Variants in PPIP5K1 observed in about 807,000 individuals in gnomAD.
The protein encoded by PPIP5K1 is diphosphoinositol pentakisphosphate kinase 1, also known as inositol hexakisphosphate and diphosphoinositol-pentakisphosphate kinase 1.
In PPIP5K1, 6 loss-of-function variants were observed where a neutral mutation model predicts 27.7. The ratio of observed to expected loss-of-function variants is 0.22; its 90% CI spans 0.12 to 0.43. The LOEUF is 0.43. Among genes scored for constraint, PPIP5K1 ranks in the 20% least tolerant of loss-of-function variants. The pLI is 1.00. For synonymous variants in PPIP5K1, 145 were observed against 242.6 expected (o/e 0.60, Z 3.74); for missense variants, 394 against 635.4 (o/e 0.62, Z 4.08).
chr15:43,549,388 A>T (rs180703402), intron 30 of PPIP5K1, among the ~76,000 whole-genome samples: 29 of 152,184 alleles, frequency 1.9e-4, no homozygotes, highest in African/African-American at 7.0e-4. Context: ...ATTGGGCCAG[A>T]CACCGTGGCT....
At chr15:43,540,072 G>A (rs2080460639) in intron 30 of PPIP5K1, among the ~76,000 whole-genome samples, 2 of 152,012 alleles carry the variant, frequency 1.3e-5, no homozygotes, top group African/African-American at 4.8e-5. Flanking sequence ...GGCCAACACA[G>A]CAAAACCCCA....
intron 30 of PPIP5K1, among the ~76,000 whole-genome samples, chr15:43,546,177 T>C (rs1243582525): frequency 6.6e-6 from 1 of 152,258 alleles, no homozygotes; most frequent in African/African-American, 2.4e-5. Flanking sequence ...TTTGGCATAA[T>C]GTTTTTAAGG....
chr15:43,549,937 C>T (rs977713058), intron 30 of PPIP5K1, among the ~76,000 whole-genome samples: 1 of 152,184 alleles, frequency 6.6e-6, no homozygotes, highest in Non-Finnish European at 1.5e-5. Context: ...CACAACTACA[C>T]TCAAGCCTGG....
intron 30 of PPIP5K1, chr15:43,548,616 A>G (rs2081698971): frequency 6.7e-6 from 1 of 149,132 alleles, no homozygotes; most frequent in African/African-American, 2.5e-5. Context: ...ACAGTGGTGC[A>G]ATCATGGCTC....
At chr15:43,541,635 T>G (rs2470131) in intron 30 of PPIP5K1, among the ~76,000 whole-genome samples, 41,451 of 151,350 alleles carry the variant, frequency 0.27, 9,761 homozygotes, top group African/African-American at 0.63. Context: ...GAGAATCACT[T>G]GAACCTTGAA....
chr15:43,562,883 AGAT>A (rs2083973758), intron 28 of PPIP5K1, among the ~76,000 whole-genome samples: 1 of 104,920 alleles, frequency 9.5e-6, no homozygotes. Flanking sequence ...TGCCTTGTGA[AGAT>A]GTACAACCTG....
chr15:43,555,483 G>T (rs1397674511), intron 30 of PPIP5K1, among the ~76,000 whole-genome samples: 2 of 151,170 alleles, frequency 1.3e-5, no homozygotes, highest in East Asian at 3.9e-4. Flanking sequence ...GTGGGGTTTT[G>T]CCATGTTGCC....
chr15:43,556,176 T>C (rs570915335), intron 30 of PPIP5K1, among the ~76,000 whole-genome samples: 1 of 151,946 alleles, frequency 6.6e-6, no homozygotes, highest in East Asian at 1.9e-4. Flanking sequence ...AAAAATTAGC[T>C]GTGCGTGGTG....
rs1163260860 is a variant in PPIP5K1 at position 43,573,012 on chromosome 15, AAAG to A, written c.2565+19_2565+21del. 3.7e-3 allele frequency: 770 copies of A among 206,488 alleles called. No individual in the cohort carries two copies. In the East Asian group the frequency reaches 0.063, roughly 17 times the overall value. 12.8% of individuals were successfully genotyped at this position (206,488 alleles called of 1,614,324 possible). On this transcript the variant is annotated intron_variant, in intron 22 of 31. Transcript: ENST00000420765. ...GCTGGGAAAAAGCTGTTCACAGGCT[AAAG>A]AAGAAGGAGGATCCTTACATCAAGA... is the stretch of plus-strand genomic sequence containing the variant.
chr15:43,541,103 C>T (rs892064446), intron 30 of PPIP5K1, among the ~76,000 whole-genome samples: 1 of 151,954 alleles, frequency 6.6e-6, no homozygotes, highest in Admixed American at 6.6e-5. Context: ...TAGAATAGTG[C>T]AGCCTCTCCT....
chr15:43,557,657 TTC>T (rs746074120), intron 30 of PPIP5K1, among the ~76,000 whole-genome samples: 186 of 147,738 alleles, frequency 1.3e-3, no homozygotes, highest in Middle Eastern at 3.5e-3. Flanking sequence ...TCTCTTCTCT[TTC>T]TCTCTCTCTC....
chr15:43,546,868 A>G (rs1211405272), intron 30 of PPIP5K1, among the ~76,000 whole-genome samples: 1 of 151,974 alleles, frequency 6.6e-6, no homozygotes, highest in Non-Finnish European at 1.5e-5. Flanking sequence ...CATGTTGCCC[A>G]GGCTGGTCTT....
At chr15:43,586,671 C>A in intron 1 of PPIP5K1, among the ~76,000 whole-genome samples, 1 of 100,234 alleles carries the variant, frequency 1.0e-5, no homozygotes, top group African/African-American at 3.6e-5. Flanking sequence ...GCACTCCAGC[C>A]TGGGTGAGAG....
intron 30 of PPIP5K1, among the ~76,000 whole-genome samples, chr15:43,551,746 G>A (rs1335562477): frequency 2.7e-5 from 4 of 148,234 alleles, no homozygotes; most frequent in Non-Finnish European, 6.0e-5. Flanking sequence ...GGGACTACAG[G>A]CGCCCGCCAC....
At chr15:43,542,660 G>A (rs981102484) in intron 30 of PPIP5K1, among the ~76,000 whole-genome samples, 2 of 146,004 alleles carry the variant, frequency 1.4e-5, no homozygotes, top group African/African-American at 5.2e-5. Context: ...GTGTGTGTGT[G>A]TGTGTGTGTG....
intron 30 of PPIP5K1, among the ~76,000 whole-genome samples, chr15:43,552,253 C>T (rs2082303594): frequency 6.6e-6 from 1 of 152,090 alleles, no homozygotes; most frequent in Non-Finnish European, 1.5e-5. Flanking sequence ...CTACACCTGG[C>T]CCTTCTTTTT....
At chr15:43,549,224 T>C (rs1243115938) in intron 30 of PPIP5K1, among the ~76,000 whole-genome samples, 1 of 151,606 alleles carries the variant, frequency 6.6e-6, no homozygotes, top group East Asian at 1.9e-4. Flanking sequence ...CCTTAATTTC[T>C]TTCAGCAATG....
chr15:43,537,534 CAAA>C (rs1376473065), intron 31 of PPIP5K1, among the ~76,000 whole-genome samples: 1 of 147,452 alleles, frequency 6.8e-6, no homozygotes, highest in African/African-American at 2.5e-5. Flanking sequence ...ACTAAAAATA[CAAA>C]AATTAGCCAG....
intron 30 of PPIP5K1, among the ~76,000 whole-genome samples, chr15:43,549,082 C>CACACACAT (rs2081876819): frequency 1.3e-5 from 1 of 79,386 alleles, no homozygotes; most frequent in African/African-American, 5.1e-5. Context: ...TATATATATA[C>CACACACAT]ATATATATAA....
Sources: allele counts gnomAD v4.1 joint callset (sites outside exome capture counted in the v4.1 genomes callset), GRCh38; gene constraint gnomAD v4.1.1; transcripts MANE v1.5; gene names NCBI Gene and HGNC (gene_info 2026-07-23, HGNC 2026-07-21).